The following PDE9A variants were observed in gnomAD, a reference collection of about 807,000 sequenced individuals.
PDE9A encodes the protein phosphodiesterase 9A, also known as high affinity cGMP-specific 3',5'-cyclic phosphodiesterase 9A.
A neutral mutation model predicts 87.4 loss-of-function variants in PDE9A; 60 were observed. The ratio of observed to expected loss-of-function variants is 0.69; its 90% CI spans 0.56 to 0.85. The LOEUF (loss-of-function observed/expected upper bound fraction) is 0.85, where lower values mean the gene tolerates loss of function less well. PDE9A is among the 40% of genes least tolerant of loss of function. PDE9A has a pLI of 0.00. For synonymous variants in PDE9A, 272 were observed against 279.4 expected (o/e 0.97, Z 0.27); for missense variants, 665 against 779.0 (o/e 0.85, Z 1.74).
At position 42,773,593 on chromosome 21, in the gene PDE9A, A is replaced by C. The variant is rs2057225693; in HGVS notation, c.1768+1073A>C. 2.6e-5 allele frequency among the ~76,000 whole-genome samples: 4 copies of C among 151,542 alleles called. No individual in the cohort carries two copies. The South Asian group carries it at 8.7e-4, about 33-fold the overall frequency. On this transcript the variant is annotated intron_variant, in intron 19 of 19. Coordinates refer to ENST00000291539, the MANE Select transcript of PDE9A (RefSeq NM_002606.3). ...GAGGCCAAGGCGGCGGATCACGAGG[A>C]GATCGAGACCATCCTGGCTAACACG...
chr21:42,751,269 C>T lies in PDE9A; in HGVS notation c.735+72C>T, dbSNP rs112582234. 4.7e-5 allele frequency: 50 copies of T among 1,057,292 alleles called. No individual in the cohort carries two copies. The African/African-American group carries it at 5.8e-4, about 12-fold the overall frequency. The allele number at this position is 1,057,292 out of a possible 1,614,324, so 65.5% of individuals were successfully genotyped here. A position where few individuals can be genotyped will look rare whatever the true frequency, so the allele number is the denominator to read the frequency against. ...CCCCACGCCCAGCCCTGTGGCCCTGCGGCCAGACCCTGCTGTGTGTACGTT... is the reference window on the plus strand; with the variant it reads ...CCCCACGCCCAGCCCTGTGGCCCTGTGGCCAGACCCTGCTGTGTGTACGTT... On this transcript the variant is annotated intron_variant, in intron 9 of 19. Coordinates refer to ENST00000291539, the MANE Select transcript of PDE9A (RefSeq NM_002606.3).
intron 14 of PDE9A, among the ~76,000 whole-genome samples, chr21:42,762,881 C>T (rs1453331475): frequency 3.9e-5 from 6 of 152,020 alleles, no homozygotes; most frequent in Non-Finnish European, 7.4e-5. Context: ...TTAATAGAGA[C>T]GGGGTTTCAT....
chr21:42,659,548 G>A lies in PDE9A; in HGVS notation c.69+5665G>A, dbSNP rs1002463434. ...AGGGCAGGGCATGTGGGGAGGCTCA[G>A]GAATGCCACCCTTGCCCTCAGGCCT... On this transcript the variant is annotated intron_variant, in intron 1 of 19. Transcript: ENST00000291539. This position sits in a 1 kb window ranked among gnomAD's most constrained non-coding sequence, Gnocchi z 4.1. Among the ~76,000 whole-genome samples the A allele has an allele frequency of 5.9e-5, 9 of 152,214 alleles. No homozygotes were observed. The highest frequency in any genetic ancestry group is 3.3e-4 in the Admixed American group (5 of 15,284).
chr21:42,717,503 T>A (rs1156240048), intron 4 of PDE9A, among the ~76,000 whole-genome samples: 1 of 149,876 alleles, frequency 6.7e-6, no homozygotes, highest in Admixed American at 6.6e-5. Flanking sequence ...GAGATCTCAC[T>A]ACTGCACTCC....
At chr21:42,751,595 C>T (rs1298366533) in intron 9 of PDE9A, among the ~76,000 whole-genome samples, 2 of 152,196 alleles carry the variant, frequency 1.3e-5, no homozygotes, top group African/African-American at 4.8e-5. Flanking sequence ...TGCTCTTTTG[C>T]ACAAAAGTGT....
intron 1 of PDE9A, among the ~76,000 whole-genome samples, chr21:42,680,110 C>T (rs1485760555): frequency 6.6e-6 from 1 of 152,246 alleles, no homozygotes; most frequent in African/African-American, 2.4e-5. Context: ...ACAGCCTCCG[C>T]TGCCCCCGGG....
chr21:42,749,938 G>C (rs769737258), intron 8 of PDE9A, among the ~76,000 whole-genome samples: 2 of 152,068 alleles, frequency 1.3e-5, no homozygotes, highest in African/African-American at 4.8e-5. Context: ...AGGAGTTCAC[G>C]ACCAGCCTGG....
chr21:42,700,768 A>G (rs1034475981), intron 4 of PDE9A: 3 of 152,238 alleles, frequency 2.0e-5, no homozygotes. Flanking sequence ...ACCTTTGTGG[A>G]AAATCGATGG....
chr21:42,740,782 T>C (rs1253402627), intron 7 of PDE9A, among the ~76,000 whole-genome samples: 1 of 151,560 alleles, frequency 6.6e-6, no homozygotes, highest in African/African-American at 2.4e-5. Context: ...GATAGATAGA[T>C]AGATAGATAG....
intron 1 of PDE9A, among the ~76,000 whole-genome samples, chr21:42,678,109 T>C (rs996808969): frequency 1.3e-5 from 2 of 152,120 alleles, no homozygotes; most frequent in Non-Finnish European, 2.9e-5. Context: ...GCTCCTCAAA[T>C]AGAAATAGAA....
At chr21:42,744,156 C>T (rs190388422) in intron 8 of PDE9A, among the ~76,000 whole-genome samples, 4 of 152,308 alleles carry the variant, frequency 2.6e-5, no homozygotes, top group East Asian at 1.9e-4. Flanking sequence ...AGTTCAATAC[C>T]GGCTTGGCCA....
At chr21:42,718,303 T>C (rs1753448012) in intron 4 of PDE9A, among the ~76,000 whole-genome samples, 2 of 151,812 alleles carry the variant, frequency 1.3e-5, no homozygotes, top group East Asian at 1.9e-4. Flanking sequence ...TTATCCTTCT[T>C]CATGTTCATT....
chr21:42,697,480 C>A, intron 3 of PDE9A: 1 of 1,600,074 alleles, frequency 6.2e-7, no homozygotes, highest in Non-Finnish European at 8.6e-7. Context: ...GAGTCATGGG[C>A]GTCCCACCAG....
At chr21:42,743,204 G>T (rs1280025889) in intron 7 of PDE9A, among the ~76,000 whole-genome samples, 1 of 152,224 alleles carries the variant, frequency 6.6e-6, no homozygotes, top group African/African-American at 2.4e-5. Flanking sequence ...ATGTGATCAA[G>T]TCCAAGTTCT....
At chr21:42,772,580 G>A (rs2057121118) in intron 19 of PDE9A, 60 bp downstream of exon 19, 6 of 1,178,268 alleles carry the variant, frequency 5.1e-6, no homozygotes, top group Non-Finnish European at 6.2e-6. Flanking sequence ...ACAAAGGACA[G>A]AAGGAAAGAG....
At chr21:42,662,715 A>C (rs2057620903) in intron 1 of PDE9A, among the ~76,000 whole-genome samples, 1 of 143,566 alleles carries the variant, frequency 7.0e-6, no homozygotes, top group African/African-American at 2.6e-5. Flanking sequence ...CACGCACATC[A>C]CACACTTGTA....
At position 42,685,467 on chromosome 21, in the gene PDE9A, C is replaced by CTTTTTTTTTTTTTTTTTTTT. The variant is rs765252066; in HGVS notation, c.70-709_70-708insTTTTTTTTTTTTTTTTTTTT. 2.6e-5 allele frequency among the ~76,000 whole-genome samples: 3 copies of CTTTTTTTTTTTTTTTTTTTT among 115,972 alleles called. 1 individual carries two copies. The highest frequency in any genetic ancestry group is 5.3e-4 in the East Asian group (2 of 3,764). The allele number at this position is 115,972 out of a possible 152,430, so 76.1% of individuals were successfully genotyped here. Reference sequence around the variant, plus strand: ...CAGTCCCCAAATACCGAAAGGCAGTCTTTTTTTTTTTTTTTTGAGACGGAG... The same window carrying CTTTTTTTTTTTTTTTTTTTT: ...CAGTCCCCAAATACCGAAAGGCAGTCTTTTTTTTTTTTTTTTTTTTTTTTTTTTTTTTTTTTGAGACGGAG... On this transcript the variant is annotated intron_variant, in intron 1 of 19. Coordinates refer to ENST00000291539, the MANE Select transcript of PDE9A (RefSeq NM_002606.3).
At position 42,728,029 on chromosome 21, in the gene PDE9A, G is replaced by A. The variant is rs1374885029; in HGVS notation, c.263-3741G>A. Reference sequence around the variant, plus strand: ...ACAGTTGGCTCTTCTGTATCTGTGTGTTCCATATCCATATATCCAACCAAC... The same window carrying A: ...ACAGTTGGCTCTTCTGTATCTGTGTATTCCATATCCATATATCCAACCAAC... On this transcript the variant is annotated intron_variant, in intron 4 of 19. Transcript: ENST00000291539. Among the ~76,000 whole-genome samples, 3 of 152,138 alleles carry A rather than the reference G, an allele frequency of 2.0e-5. No homozygotes were observed. In the East Asian group the frequency reaches 5.8e-4, roughly 29 times the overall value.
chr21:42,762,316 G>T, intron 14 of PDE9A, 77 bp downstream of exon 14: 1 of 1,425,426 alleles, frequency 7.0e-7, no homozygotes, highest in Non-Finnish European at 9.7e-7. Context: ...CCATTGGCTG[G>T]AAGCTCCCAG....
Sources: gnomAD v4.1 joint callset for allele counts (sites outside exome capture counted in the v4.1 genomes callset) on GRCh38, gnomAD v4.1.1 for gene constraint, Gnocchi (gnomAD v3.1) non-coding constraint, MANE v1.5 for transcripts, NCBI Gene and HGNC (gene_info 2026-07-23, HGNC 2026-07-21) for gene names.